The following BZW2 variants were observed in gnomAD, a reference collection of about 807,000 sequenced individuals.
BZW2 encodes basic leucine zipper and W2 domains 2, also known as eIF5-mimic protein 1.
A neutral mutation model predicts 53.2 loss-of-function variants in BZW2; 23 were observed. That is an observed-to-expected ratio of 0.43 (90% confidence interval 0.31 to 0.61). The LOEUF is 0.61. Among genes scored for constraint, BZW2 ranks in the 20% least tolerant of loss-of-function variants. BZW2 has a pLI of 0.09. For missense variants in BZW2, 409 were observed against 503.1 expected (o/e 0.81, Z 1.79); for synonymous variants, 227 against 186.4 (o/e 1.22, Z -1.77).
intron 7 of BZW2, among the ~76,000 whole-genome samples, chr7:16,693,084 T>A (rs1783366229): frequency 6.6e-6 from 1 of 152,098 alleles, no homozygotes; most frequent in South Asian, 2.1e-4. Flanking sequence ...GATAGAAAAC[T>A]TTTGGAAATT....
rs185504112 is a variant in BZW2, at chr7:16,650,327, G to A, written c.-8+4039G>A. 5.1e-4 allele frequency among the ~76,000 whole-genome samples: 77 copies of A among 152,224 alleles called. No homozygotes were observed. The East Asian group carries it at 0.014, about 27-fold the overall frequency. On this transcript the variant is annotated intron_variant, in intron 1 of 11. Transcript: ENST00000258761. ...GTACAGATACATTTAGTTTAACTGA[G>A]AAAATCAAGAGGTGAATGAAGTGGA... is the stretch of plus-strand genomic sequence containing the variant.
At chr7:16,656,039 C>A (rs1034976443) in intron 1 of BZW2, among the ~76,000 whole-genome samples, 11 of 151,624 alleles carry the variant, frequency 7.3e-5, no homozygotes, top group Admixed American at 7.2e-4. Context: ...ATAATTTTAT[C>A]TTTATACTCC....
intron 7 of BZW2, among the ~76,000 whole-genome samples, chr7:16,693,966 A>G (rs969499534): frequency 6.6e-6 from 1 of 152,192 alleles, no homozygotes; most frequent in Non-Finnish European, 1.5e-5. Context: ...CCACATAGCC[A>G]TTGGCCATAT....
chr7:16,662,385 C>A (rs1782293679), intron 1 of BZW2: 1 of 152,066 alleles, frequency 6.6e-6, no homozygotes, highest in South Asian at 2.1e-4. Flanking sequence ...AGCCCACATA[C>A]CTGGGTTATA....
chr7:16,704,774 T>C, intron 11 of BZW2, 105 bp downstream of exon 11: 1 of 1,209,886 alleles, frequency 8.3e-7, no homozygotes, highest in Non-Finnish European at 1.1e-6. Context: ...AAAACTAAAA[T>C]TCTAGAGTTA....
chr7:16,694,940 G>A lies in BZW2; in HGVS notation c.758G>A (p.Gly253Asp). Residue 253 changes from glycine to aspartate, a missense_variant, in exon 8 of 12, where the codon GGC becomes GAC. Gly to Asp is a moderately conservative substitution (Grantham distance 94). Around this residue, in one of 3 missense-constraint regions of BZW2, gnomAD observed 316 missense variants for 366.8 expected, o/e 0.86. Transcript: ENST00000258761. ...TTCCTCCGAGTCCAGCAGTCCCTGG[G>A]CACCAGGAAGGAACTGCAGAAGGAG... ...SDFLRVQQSL[G>D]TRKELQKELQ... 6.3e-7 allele frequency: 1 copy of A among 1,598,564 alleles called. No individual in the cohort carries two copies. The highest frequency in any genetic ancestry group is 8.6e-7 in the Non-Finnish European group (1 of 1,168,008).
At chr7:16,686,678 ATAAAT>A (rs757551471) in intron 6 of BZW2, 1 of 152,324 alleles carries the variant, frequency 6.6e-6, no homozygotes, top group East Asian at 1.9e-4. Flanking sequence ...TTCCTTAAAA[ATAAAT>A]TAAAAGAGCT....
chr7:16,700,983 A>T (rs891564592), intron 10 of BZW2: 5 of 152,188 alleles, frequency 3.3e-5, no homozygotes, highest in African/African-American at 1.2e-4. Context: ...ACTTGATGAT[A>T]GCAGAAACTT....
intron 1 of BZW2, among the ~76,000 whole-genome samples, chr7:16,656,553 GCGCACACACACACACACACACACACA>G (rs1583701000): frequency 1.7e-5 from 2 of 119,918 alleles, no homozygotes; most frequent in East Asian, 4.5e-4. Context: ...CAGCGCGCGC[GCGCACACACACACACACACACACACA>G]CACACACACA....
chr7:16,696,327 A>G (rs544823970), intron 8 of BZW2, among the ~76,000 whole-genome samples: 1 of 152,376 alleles, frequency 6.6e-6, no homozygotes, highest in African/African-American at 2.4e-5. Context: ...ATATTTATAC[A>G]TAATTCAAAG....
At chr7:16,664,103 TC>T (rs1782347894) in intron 1 of BZW2, among the ~76,000 whole-genome samples, 1 of 152,212 alleles carries the variant, frequency 6.6e-6, no homozygotes, top group African/African-American at 2.4e-5. Context: ...TTTTCCACTA[TC>T]AATATCCCTT....
chr7:16,700,162 C>A (rs778261312), intron 10 of BZW2, among the ~76,000 whole-genome samples: 1 of 152,144 alleles, frequency 6.6e-6, no homozygotes, highest in Non-Finnish European at 1.5e-5. Context: ...ACTGAACTAA[C>A]ATTTTCAATA....
chr7:16,661,665 T>C (rs1363649415), intron 1 of BZW2, among the ~76,000 whole-genome samples: 1 of 152,134 alleles, frequency 6.6e-6, no homozygotes, highest in East Asian at 1.9e-4. Flanking sequence ...CTTATCGCCT[T>C]CTTTTACCTT....
intron 6 of BZW2, chr7:16,686,701 G>C (rs896600633): frequency 6.6e-6 from 1 of 152,224 alleles, no homozygotes; most frequent in Non-Finnish European, 1.5e-5. Flanking sequence ...GCTTTTGTGA[G>C]AACATCTGTT....
intron 2 of BZW2, among the ~76,000 whole-genome samples, chr7:16,668,921 A>C (rs747765453): frequency 3.7e-4 from 57 of 152,210 alleles, no homozygotes; most frequent in Non-Finnish European, 6.6e-4. Context: ...TGAAAATCTG[A>C]AAAGATGAAA....
intron 1 of BZW2, among the ~76,000 whole-genome samples, chr7:16,648,506 A>G (rs970419646): frequency 2.0e-5 from 3 of 152,224 alleles, no homozygotes; most frequent in African/African-American, 7.2e-5. Context: ...AGCTATTGCA[A>G]TGCATCTTAA....
chr7:16,678,700 A>G (rs1416973767), intron 3 of BZW2, among the ~76,000 whole-genome samples: 5 of 152,186 alleles, frequency 3.3e-5, no homozygotes, highest in East Asian at 1.9e-4. Context: ...AGTTTGTTCC[A>G]TATCAGGGGA....
chr7:16,673,730 G>C (rs1583719717), intron 2 of BZW2, among the ~76,000 whole-genome samples: 1 of 152,112 alleles, frequency 6.6e-6, no homozygotes, highest in Non-Finnish European at 1.5e-5. Context: ...TAGGATTCCA[G>C]AGTCTTTTTC....
At chr7:16,680,955 T>G (rs1237800184) in intron 3 of BZW2, among the ~76,000 whole-genome samples, 2 of 151,922 alleles carry the variant, frequency 1.3e-5, no homozygotes, top group African/African-American at 2.4e-5. Context: ...AATATAAAAA[T>G]TAGCCAGGCA....
Sources: gnomAD v4.1 joint callset for allele counts (sites outside exome capture counted in the v4.1 genomes callset) on GRCh38, gnomAD v4.1.1 for gene constraint, gnomAD v4.1.1 regional missense constraint, MANE v1.5 for transcripts, NCBI Gene and HGNC (gene_info 2026-07-23, HGNC 2026-07-21) for gene names.